PDE4D: variants seen among roughly 807,000 people sequenced by gnomAD.
PDE4D encodes the protein 3',5'-cyclic-AMP phosphodiesterase 4D.
A neutral mutation model predicts 87.4 loss-of-function variants in PDE4D; 24 were observed. The observed-to-expected ratio is 0.27, with a 90% CI of 0.20 to 0.39. The LOEUF (loss-of-function observed/expected upper bound fraction) is 0.39. PDE4D is among the 10% of genes least tolerant of loss of function. The pLI is 1.00. For synonymous variants in PDE4D, 384 were observed against 383.2 expected, an observed-to-expected ratio of 1.00 and a Z score of -0.02; for missense variants, 714 against 1,041.0, an observed-to-expected ratio of 0.69 and a Z score of 4.32.
intron 1 of PDE4D, among the ~76,000 whole-genome samples, chr5:59,360,907 CA>C (rs1186829603): frequency 1.3e-5 from 2 of 152,132 alleles, no homozygotes; most frequent in African/African-American, 2.4e-5. Context: ...AGGACACAAA[CA>C]GACACAAACT....
chr5:59,985,124 G>A (rs1448474006), intron 3 of PDE4D, among the ~76,000 whole-genome samples: 2 of 111,268 alleles, frequency 1.8e-5, no homozygotes, highest in African/African-American at 2.8e-5. Flanking sequence ...TTCACCTTTC[G>A]TTTTTTGTTT....
At chr5:59,602,505 G>C (rs142935468) in intron 1 of PDE4D, among the ~76,000 whole-genome samples, 2 of 152,078 alleles carry the variant, frequency 1.3e-5, no homozygotes, top group East Asian at 3.9e-4. Flanking sequence ...ATTTATAATA[G>C]TTACAAAGCT....
At chr5:59,553,953 A>G (rs957921753) in intron 1 of PDE4D, among the ~76,000 whole-genome samples, 1 of 152,158 alleles carries the variant, frequency 6.6e-6, no homozygotes, top group African/African-American at 2.4e-5. Flanking sequence ...AATAATAGCT[A>G]TAGTTTTTTG....
At chr5:59,990,224 A>T (rs1213369876) in intron 2 of PDE4D, among the ~76,000 whole-genome samples, 8 of 152,138 alleles carry the variant, frequency 5.3e-5, no homozygotes, top group African/African-American at 1.9e-4. Flanking sequence ...AGATAATAAT[A>T]TTTACCTCTC....
chr5:59,644,084 T>C (rs1580111206), intron 1 of PDE4D, among the ~76,000 whole-genome samples: 4 of 152,314 alleles, frequency 2.6e-5, no homozygotes, highest in South Asian at 2.1e-4. Flanking sequence ...ATTCTTCCAG[T>C]AGGACATTTG....
At chr5:59,488,366 G>A (rs1215215829) in intron 1 of PDE4D, among the ~76,000 whole-genome samples, 2 of 152,144 alleles carry the variant, frequency 1.3e-5, no homozygotes, top group African/African-American at 2.4e-5. Flanking sequence ...AAATAGAGGA[G>A]AGATGTGCAT....
At chr5:59,328,234 T>C (rs190742892) in intron 1 of PDE4D, among the ~76,000 whole-genome samples, 395 of 152,290 alleles carry the variant, frequency 2.6e-3, no homozygotes, top group Non-Finnish European at 5.0e-3. Context: ...AGCTGTGTGA[T>C]TTGGGGCCTC....
intron 6 of PDE4D, among the ~76,000 whole-genome samples, chr5:59,027,452 G>A (rs796788005): frequency 2.0e-5 from 3 of 152,246 alleles, no homozygotes; most frequent in African/African-American, 7.2e-5. Context: ...CTCCCTCCTT[G>A]AGAGTAGAGT....
intron 1 of PDE4D, among the ~76,000 whole-genome samples, chr5:59,621,697 A>G (rs538914216): frequency 5.9e-5 from 9 of 152,340 alleles, no homozygotes; most frequent in African/African-American, 2.2e-4. Flanking sequence ...AACAGTAGTC[A>G]GAATGTCCCT....
At chr5:59,271,319 G>A (rs1222797526) in intron 1 of PDE4D, among the ~76,000 whole-genome samples, 1 of 152,142 alleles carries the variant, frequency 6.6e-6, no homozygotes, top group African/African-American at 2.4e-5. Context: ...TATTACAGGA[G>A]CAAGCTACGC....
Position 59,970,721 on chromosome 5 carries a change from G to C in PDE4D, c.272+17767C>G, listed in dbSNP as rs1331160665. On this transcript the variant is annotated intron_variant, in intron 3 of 16. Transcript: ENST00000502484. Reference sequence around the variant, plus strand: ...GTCAGGAAGCAACAGGTGCTGGAGAGGATGTGGAGAAATAGGAACACTTTT... The same window carrying C: ...GTCAGGAAGCAACAGGTGCTGGAGACGATGTGGAGAAATAGGAACACTTTT... Among the ~76,000 whole-genome samples the C allele has an allele frequency of 2.7e-5, 4 of 148,104 alleles. No homozygotes were observed. The East Asian group carries it at 8.1e-4, about 30-fold the overall frequency.
At chr5:60,051,233 T>A (rs1456670861) in intron 2 of PDE4D, among the ~76,000 whole-genome samples, 1 of 152,168 alleles carries the variant, frequency 6.6e-6, no homozygotes, top group Non-Finnish European at 1.5e-5. Flanking sequence ...ATCAACAGAA[T>A]ATACATTCTT....
chr5:59,465,647 A>T, intron 1 of PDE4D, among the ~76,000 whole-genome samples: 1 of 152,222 alleles, frequency 6.6e-6, no homozygotes, highest in Admixed American at 6.5e-5. Flanking sequence ...GGATAATAAT[A>T]CCTAAACATT....
At chr5:59,058,986 G>T (rs1307342912) in intron 5 of PDE4D, among the ~76,000 whole-genome samples, 1 of 152,066 alleles carries the variant, frequency 6.6e-6, no homozygotes, top group Admixed American at 6.6e-5. Context: ...GATCAGTTAA[G>T]GCCCTGTAAT....
At chr5:59,844,790 A>T (rs188722656) in intron 1 of PDE4D, among the ~76,000 whole-genome samples, 14 of 152,188 alleles carry the variant, frequency 9.2e-5, no homozygotes, top group African/African-American at 3.4e-4. Flanking sequence ...AGGTGGAGGG[A>T]TTTTGCTGAT....
At chr5:59,003,441 G>T (rs1300830418) in intron 6 of PDE4D, among the ~76,000 whole-genome samples, 1 of 152,078 alleles carries the variant, frequency 6.6e-6, no homozygotes, top group Non-Finnish European at 1.5e-5. Context: ...CCTCAAACTG[G>T]TTTTCTCAGT....
chr5:59,231,067 A>G (rs1162513344), intron 1 of PDE4D, among the ~76,000 whole-genome samples: 1 of 152,178 alleles, frequency 6.6e-6, no homozygotes, highest in Non-Finnish European at 1.5e-5. Flanking sequence ...GATTTCTTAT[A>G]TTGGGTGAAT....
At chr5:59,323,440 T>C (rs1245823231) in intron 1 of PDE4D, among the ~76,000 whole-genome samples, 2 of 152,134 alleles carry the variant, frequency 1.3e-5, no homozygotes, top group East Asian at 3.9e-4. Context: ...TCATACAGAA[T>C]AAGCCCTTCA....
chr5:59,768,665 G>C, intron 1 of PDE4D: 2 of 1,492,430 alleles, frequency 1.3e-6, no homozygotes, highest in Non-Finnish European at 8.8e-7. Context: ...GGGGCTGGGT[G>C]CAGAGGAGGC....
Sources: gnomAD v4.1 joint callset for allele counts (sites outside exome capture counted in the v4.1 genomes callset) on GRCh38, gnomAD v4.1.1 for gene constraint, MANE v1.5 for transcripts, NCBI Gene and HGNC (gene_info 2026-07-23, HGNC 2026-07-21) for gene names.